The following ACIN1 variants were observed in gnomAD, a reference collection of about 807,000 sequenced individuals.
The protein encoded by ACIN1 is apoptotic chromatin condensation inducer in the nucleus.
In ACIN1, 16 loss-of-function variants were observed where a neutral mutation model predicts 146.6. The observed-to-expected ratio is 0.11, with a 90% CI of 0.07 to 0.17. ACIN1 has a LOEUF of 0.17. Ranked by LOEUF, ACIN1 falls within the 10% of genes least tolerant of loss-of-function variation. The pLI is 1.00. For missense variants in ACIN1, 1,357 were observed against 1,609.3 expected, an observed-to-expected ratio of 0.84 and a Z score of 2.68; for synonymous variants, 569 against 582.7, an observed-to-expected ratio of 0.98 and a Z score of 0.34.
intron 8 of ACIN1, chr14:23,071,295 C>T (rs1474048094): frequency 6.7e-7 from 1 of 1,500,098 alleles, no homozygotes; most frequent in East Asian, 2.5e-5. Context: ...TCCCCAGCCA[C>T]CCGATCCAGA....
chr14:23,089,317 G>A (rs977845318), intron 4 of ACIN1, among the ~76,000 whole-genome samples: 1 of 152,204 alleles, frequency 6.6e-6, no homozygotes, highest in Non-Finnish European at 1.5e-5. Context: ...GCCTCCCAAA[G>A]TGCTGGGATT....
intron 8 of ACIN1, among the ~76,000 whole-genome samples, chr14:23,073,809 G>C (rs2047727109): frequency 6.6e-6 from 1 of 151,268 alleles, no homozygotes; most frequent in Non-Finnish European, 1.5e-5. Context: ...AGAAGTGGCT[G>C]ATTTTGAGAA....
rs751078664 is a variant in ACIN1, at chr14:23,078,929, C to G, written c.1898G>C (p.Cys633Ser). ...ATPPVPQLQV[C>S]EPKERTSTSS... is the part of the protein sequence containing the mutation. The stretch of plus-strand genomic sequence containing the variant: ...GGTGGAAGTCCTCTCCTTTGGCTCA[C>G]AGACCTGCAGTTGTGGCACTGGTGG... Residue 633 changes from cysteine to serine, a missense_variant, in exon 7 of 19, where the codon TGT (cysteine) becomes TCT (serine). Around this residue, in one of 4 missense-constraint regions of ACIN1, gnomAD observed 771 missense variants for 746.6 expected, o/e 1.03. Transcript: ENST00000605057. The G allele has an allele frequency of 5.0e-6, 8 of 1,614,068 alleles. No homozygotes were observed. The African/African-American group carries it at 6.7e-5, about 13-fold the overall frequency.
chr14:23,079,657 G>A lies in ACIN1; in HGVS notation c.1678C>T (p.Arg560Cys), dbSNP rs115188299. Residue 560 changes from arginine (R) to cysteine (C), a missense_variant, in exon 6 of 19, where the codon CGT becomes TGT. Coordinates refer to ENST00000605057, the MANE Select transcript of ACIN1 (RefSeq NM_001386863.1). ...CTACCACGAGGGTTGGCATGAGTAC[G>A]TGCCTGGGCTACATCTCTCTGCTTG... is the stretch of plus-strand genomic sequence containing the variant. ...RSKQRDVAQA[R>C]THANPRGRPK... 4.3e-6 allele frequency: 7 copies of A among 1,614,048 alleles called. No individual in the cohort carries two copies. The highest frequency in any genetic ancestry group is 4.0e-5 in the African/African-American group (3 of 74,900).
chr14:23,069,652 G>GGGGGGGGGGGGCCGGC, intron 8 of ACIN1, 35 bp from the exon 9 acceptor site: 7 of 577,964 alleles, frequency 1.2e-5, no homozygotes, highest in Non-Finnish European at 2.0e-5. Flanking sequence ...GGGGGGGCGG[G>GGGGGGGGGGGGCCGGC]CAGAAAAGAA....
intron 8 of ACIN1, 35 bp from the exon 9 acceptor site, chr14:23,069,652 G>GGGGGGGGGGGGGGCC: frequency 1.7e-6 from 1 of 577,968 alleles, no homozygotes. Context: ...GGGGGGGCGG[G>GGGGGGGGGGGGGGCC]CAGAAAAGAA....
In ACIN1 at chr14:23,059,176, G is replaced by A. The variant is rs2139968129; in HGVS notation, c.3824C>T (p.Pro1275Leu). The change falls in exon 19 of 19, where the codon CCT becomes CTT. Residue 1275 changes from proline (P) to leucine (L), a missense_variant. Coordinates refer to ENST00000605057, the MANE Select transcript of ACIN1 (RefSeq NM_001386863.1). ...GCGGCGCCCACCCCGGTCCCGCACA[G>A]GTGTGCTCCGACTCCGGCTTCTGCT... is the stretch of plus-strand genomic sequence containing the variant. ...RHSRSRSRST[P>L]VRDRGGRR The A allele has an allele frequency of 6.2e-7, 1 of 1,614,024 alleles. No homozygotes were observed. Among genetic ancestry groups the A allele is most frequent in the Non-Finnish European group, 8.5e-7 (1 of 1,180,000 alleles).
In ACIN1 at chr14:23,078,166, C is replaced by A. The variant is rs1240972538; in HGVS notation, c.2108G>T (p.Arg703Ile). 1.2e-6 allele frequency: 2 copies of A among 1,614,160 alleles called. No individual in the cohort carries two copies. Residue 703 changes from arginine to isoleucine, a missense_variant, in exon 8 of 19, where the codon AGA becomes ATA. Transcript: ENST00000605057. ...TQTSHLPESE[R>I]IHHTVEEKEE... is the part of the protein sequence containing the mutation. ...TATCACTTACACAGTGTGATGAATT[C>A]TTTCTGATTCTGGCAGATGAGAGGT...
At chr14:23,078,112 T>C (rs760578602) in intron 8 of ACIN1, 39 bp downstream of exon 8, 6 of 1,592,998 alleles carry the variant, frequency 3.8e-6, no homozygotes, top group East Asian at 4.5e-5. Flanking sequence ...CGCACACTCA[T>C]AGTTCCCTGT....
chr14:23,079,151 G>T (rs2047877852), intron 6 of ACIN1, 113 bp from the exon 7 acceptor site: 3 of 1,100,888 alleles, frequency 2.7e-6, no homozygotes, highest in African/African-American at 1.6e-5. Flanking sequence ...GGACCTTTTT[G>T]TCTGTGTTTA....
rs371720632 is a variant in ACIN1, at chr14:23,064,275, C to G, written c.2443-18G>C. On this transcript the variant is annotated intron_variant, in intron 11 of 18. Coordinates refer to ENST00000605057, the MANE Select transcript of ACIN1 (RefSeq NM_001386863.1). ...ATGAGGCTCTGGGACACAGATACCC[C>G]CCACCCCGTTACACTGGGCCCATGT... The G allele has an allele frequency of 2.0e-5, 33 of 1,613,860 alleles. No homozygotes were observed. The highest frequency in any genetic ancestry group is 2.7e-5 in the Non-Finnish European group (32 of 1,180,016).
At chr14:23,069,652 G>GCC in intron 8 of ACIN1, 35 bp from the exon 9 acceptor site, 3 of 577,960 alleles carry the variant, frequency 5.2e-6, no homozygotes, top group East Asian at 4.3e-5. Context: ...GGGGGGGCGG[G>GCC]CAGAAAAGAA....
At chr14:23,065,350 G>C (rs1459077253) in intron 10 of ACIN1, among the ~76,000 whole-genome samples, 2 of 152,222 alleles carry the variant, frequency 1.3e-5, no homozygotes, top group African/African-American at 4.8e-5. Flanking sequence ...CACTTTGGGA[G>C]GCCAAGGCAG....
rs772238307 is a variant in ACIN1, at chr14:23,080,206, C to T, written c.1129G>A (p.Glu377Lys). ...SPPPHPQLHS[E>K]EEIEPMEGPA... Reference sequence around the variant, plus strand: ...CCTTCCATGGGCTCTATTTCTTCTTCGCTATGGAGCTGTGGATGAGGTGGT... The same window carrying T: ...CCTTCCATGGGCTCTATTTCTTCTTTGCTATGGAGCTGTGGATGAGGTGGT... The change falls in exon 6 of 19, where the codon GAA becomes AAA. Residue 377 changes from glutamate to lysine, a missense_variant. Physicochemically the swap from Glu to Lys is moderately conservative, Grantham distance 56. Coordinates refer to ENST00000605057, the MANE Select transcript of ACIN1 (RefSeq NM_001386863.1). 2.7e-5 allele frequency: 43 copies of T among 1,614,002 alleles called. No homozygotes were observed. The highest frequency in any genetic ancestry group is 2.3e-4 in the South Asian group (21 of 91,072).
chr14:23,063,454 C>G lies in ACIN1; in HGVS notation c.2719G>C (p.Glu907Gln). The G allele has an allele frequency of 1.2e-6, 2 of 1,614,196 alleles. No homozygotes were observed. The highest frequency in any genetic ancestry group is 1.7e-6 in the Non-Finnish European group (2 of 1,180,028). ...SVEVALPPPA[E>Q]HEVKKVTLGD... ...CACTCACCTTTCTTTACTTCATGCT[C>G]TGCAGGTGGGGGCAAGGCCACCTCT... The change falls in exon 13 of 19, where the codon GAG becomes CAG. Residue 907 changes from glutamate to glutamine, a missense_variant. Coordinates refer to ENST00000605057, the MANE Select transcript of ACIN1 (RefSeq NM_001386863.1).
At chr14:23,087,869 T>C (rs2048127439) in intron 4 of ACIN1, among the ~76,000 whole-genome samples, 1 of 152,228 alleles carries the variant, frequency 6.6e-6, no homozygotes, top group African/African-American at 2.4e-5. Context: ...TTTTCATTCC[T>C]ATCTCTCTGA....
Position 23,064,463 on chromosome 14 carries a change from T to G in ACIN1, c.2334A>C (p.Gly778=). The change falls in exon 11 of 19, where the codon GGA becomes GGC. Residue 778 remains glycine (G), a synonymous_variant. Transcript: ENST00000605057. ...GCTGGCCCCCCTCTGTGTCACTGTTTCCAGCTGGCACCCCCTTGGTAGCTG... is the reference window on the plus strand; with the variant it reads ...GCTGGCCCCCCTCTGTGTCACTGTTGCCAGCTGGCACCCCCTTGGTAGCTG... The part of the protein sequence containing the change: ...VVSATKGVPA[G]NSDTEGGQPG... 2 of 1,614,256 alleles carry G rather than the reference T, an allele frequency of 1.2e-6. No homozygotes were observed. The highest frequency in any genetic ancestry group is 1.7e-6 in the Non-Finnish European group (2 of 1,180,042).
In ACIN1 at chr14:23,080,464, T is replaced by C; in HGVS notation, c.871A>G (p.Lys291Glu). The C allele has an allele frequency of 1.2e-6, 2 of 1,614,180 alleles. No individual in the cohort carries two copies. Among genetic ancestry groups the C allele is most frequent in the Middle Eastern group, 1.6e-4 (1 of 6,062 alleles). The change falls in exon 6 of 19, where the codon AAA becomes GAA. Residue 291 changes from lysine (K) to glutamate (E), a missense_variant. By Grantham distance (56) the Lys-to-Glu change is moderately conservative. Transcript: ENST00000605057. Reference protein sequence around the residue: ...RFTRSQEEARKSHLARQQQEK... With the variant: ...RFTRSQEEARESHLARQQQEK... The stretch of plus-strand genomic sequence containing the variant: ...TGCTGCTGTCTGGCCAGATGACTTT[T>C]TCTAGCCTCTTCCTGGGATCTTGTA...
At chr14:23,081,316 T>C (rs2047939669) in intron 5 of ACIN1, among the ~76,000 whole-genome samples, 1 of 152,250 alleles carries the variant, frequency 6.6e-6, no homozygotes, top group Non-Finnish European at 1.5e-5. Flanking sequence ...ATATCTTGTC[T>C]AATAATGTGC....
Sources: gnomAD v4.1 joint callset for allele counts (sites outside exome capture counted in the v4.1 genomes callset) on GRCh38, gnomAD v4.1.1 for gene constraint, gnomAD v4.1.1 regional missense constraint, MANE v1.5 for transcripts, NCBI Gene and HGNC (gene_info 2026-07-23, HGNC 2026-07-21) for gene names.